The following TRIP11 variants were observed in gnomAD, a reference collection of about 807,000 sequenced individuals.
TRIP11 encodes thyroid hormone receptor interactor 11.
A neutral mutation model predicts 223.1 loss-of-function variants in TRIP11; 148 were observed. The ratio of observed to expected loss-of-function variants is 0.66; its 90% CI spans 0.58 to 0.76. The LOEUF (loss-of-function observed/expected upper bound fraction) is 0.76, where lower values mean the gene tolerates loss of function less well. TRIP11 is among the 30% of genes least tolerant of loss of function. The pLI is 0.00. For synonymous variants in TRIP11, 762 were observed against 772.6 expected (o/e 0.99, Z 0.23); for missense variants, 2,043 against 2,222.0 (o/e 0.92, Z 1.62).
intron 15 of TRIP11, among the ~76,000 whole-genome samples, chr14:91,992,908 C>CAA (rs550702989): frequency 0.046 from 1,351 of 29,242 alleles, 293 homozygotes; most frequent in Non-Finnish European, 0.055. Context: ...GACTCCGTCT[C>CAA]AAAAAAAAAA....
At position 92,014,331 on chromosome 14, in the gene TRIP11, C is replaced by T; in HGVS notation, c.1070G>A (p.Cys357Tyr). ...CACAGCAGAAGGCTGCAATTTACTACATTCCAATTTCAAGTTTTCACATTC... is the reference window on the plus strand; with the variant it reads ...CACAGCAGAAGGCTGCAATTTACTATATTCCAATTTCAAGTTTTCACATTC... ...MEECENLKLE[C>Y]SKLQPSAVKQ... The change falls in exon 7 of 21, where the codon TGT becomes TAT. Residue 357 changes from cysteine to tyrosine, a missense_variant. Cys to Tyr is a radical substitution (Grantham distance 194). Coordinates refer to ENST00000267622, the MANE Select transcript of TRIP11 (RefSeq NM_004239.4). The T allele has an allele frequency of 1.2e-6, 2 of 1,614,076 alleles. No homozygotes were observed. The highest frequency in any genetic ancestry group is 4.5e-5 in the East Asian group (2 of 44,856).
chr14:91,993,705 A>G (rs1174967311), intron 15 of TRIP11, 104 bp downstream of exon 15: 2 of 961,718 alleles, frequency 2.1e-6, no homozygotes, highest in Non-Finnish European at 3.2e-6. Flanking sequence ...AGGGTAGAAA[A>G]TTTACTAAAT....
At position 92,011,858 on chromosome 14, in the gene TRIP11, T is replaced by C. The variant is rs569862322; in HGVS notation, c.1187-63A>G. 6.9e-5 allele frequency: 103 copies of C among 1,502,172 alleles called. No homozygotes were observed. The Middle Eastern group carries it at 1.1e-3, about 15-fold the overall frequency. 93.1% of individuals were successfully genotyped at this position (1,502,172 alleles called of 1,614,324 possible). A position where few individuals can be genotyped will look rare whatever the true frequency, so the allele number is the denominator to read the frequency against. ...TTAGAGTAACTTATTATCTTCAATATTAAACTCAGAAATGCAACCCAATTA... is the reference window on the plus strand; with the variant it reads ...TTAGAGTAACTTATTATCTTCAATACTAAACTCAGAAATGCAACCCAATTA... On this transcript the variant is annotated intron_variant, in intron 7 of 20. Transcript: ENST00000267622.
chr14:92,003,571 C>G lies in TRIP11; in HGVS notation c.4405G>C (p.Val1469Leu). Residue 1469 changes from valine (V) to leucine (L), a missense_variant, in exon 11 of 21, where the codon GTG becomes CTG. Val to Leu is a conservative substitution (Grantham distance 32). Transcript: ENST00000267622. ...GTTTCCTTTCCCCTGTATGTTTCCACTATTTTTTCATTTTCTCCTTTTAGT... is the reference window on the plus strand; with the variant it reads ...GTTTCCTTTCCCCTGTATGTTTCCAGTATTTTTTCATTTTCTCCTTTTAGT... ...GKLKGENEKI[V>L]ETYRGKETEY... is the part of the protein sequence containing the mutation. 6.2e-7 allele frequency: 1 copy of G among 1,614,130 alleles called. No individual in the cohort carries two copies. Among genetic ancestry groups the G allele is most frequent in the East Asian group, 2.2e-5 (1 of 44,874 alleles).
intron 1 of TRIP11, among the ~76,000 whole-genome samples, chr14:92,039,097 A>G (rs888887490): frequency 6.6e-6 from 1 of 152,242 alleles, no homozygotes; most frequent in African/African-American, 2.4e-5. Flanking sequence ...TACTCAAGAC[A>G]GAAAAGAGCA....
At chr14:92,001,512 G>A (rs961546798) in intron 11 of TRIP11, among the ~76,000 whole-genome samples, 1 of 151,298 alleles carries the variant, frequency 6.6e-6, no homozygotes, top group Non-Finnish European at 1.5e-5. Flanking sequence ...TAATCTAAAG[G>A]TACTTTTATA....
chr14:91,999,460 T>C (rs1257848241), intron 12 of TRIP11, 27 bp from the exon 13 acceptor site: 2 of 1,610,364 alleles, frequency 1.2e-6, no homozygotes, highest in East Asian at 2.2e-5. Flanking sequence ...ATTTTTCTTT[T>C]ACAAAATGCT....
In TRIP11 at chr14:92,004,431, G is replaced by A. The variant is rs1268771362; in HGVS notation, c.3545C>T (p.Thr1182Ile). 1 of 1,613,914 alleles carries A rather than the reference G, an allele frequency of 6.2e-7. No homozygotes were observed. Among genetic ancestry groups the A allele is most frequent in the South Asian group, 1.1e-5 (1 of 91,084 alleles). Residue 1182 changes from threonine to isoleucine, a missense_variant, in exon 11 of 21, where the codon ACT (threonine) becomes ATT (isoleucine). By Grantham distance (89) the Thr-to-Ile change is moderately conservative. Coordinates refer to ENST00000267622, the MANE Select transcript of TRIP11 (RefSeq NM_004239.4). Reference protein sequence around the residue: ...EIDALSQKCQTLLAVLQTSST... With the variant: ...EIDALSQKCQILLAVLQTSST... The stretch of plus-strand genomic sequence containing the variant: ...GGATGTTTGTAAAACTGCCAATAAA[G>A]TCTGACATTTCTGACTTAGTGCATC...
At position 91,993,829 on chromosome 14, in the gene TRIP11, C is replaced by T. The variant is rs778090971; in HGVS notation, c.5140G>A (p.Gly1714Arg). Reference protein sequence around the residue: ...EWKKNAENLEGKVISLQECLD... With the variant: ...EWKKNAENLERKVISLQECLD... ...CCTACCTGTAATGATATCACTTTTC[C>T]TTCCAGATTTTCTGCGTTTTTCTTC... The change falls in exon 15 of 21, where the codon GGA (glycine) becomes AGA (arginine). Residue 1714 changes from glycine (G) to arginine (R), a missense_variant. Transcript: ENST00000267622. The T allele has an allele frequency of 5.6e-6, 9 of 1,613,568 alleles. No individual in the cohort carries two copies. Among genetic ancestry groups the T allele is most frequent in the Non-Finnish European group, 7.6e-6 (9 of 1,179,742 alleles).
At chr14:91,980,216 C>T (rs2056520254) in intron 16 of TRIP11, among the ~76,000 whole-genome samples, 1 of 152,204 alleles carries the variant, frequency 6.6e-6, no homozygotes, top group East Asian at 1.9e-4. Flanking sequence ...CATAATTTTA[C>T]ATTTCATTTG....
Position 92,033,995 on chromosome 14 carries a change from G to A in TRIP11, c.140-742C>T, listed in dbSNP as rs2057296518. 2.6e-5 allele frequency among the ~76,000 whole-genome samples: 4 copies of A among 152,284 alleles called. No individual in the cohort carries two copies. In the South Asian group the frequency reaches 8.3e-4, roughly 32 times the overall value. ...GCCCACTGTATGAGAGTGAAGTTTG[G>A]CAGTTACCCAAGAGACTTTACCCCC... On this transcript the variant is annotated intron_variant, in intron 1 of 20. Coordinates refer to ENST00000267622, the MANE Select transcript of TRIP11 (RefSeq NM_004239.4).
intron 16 of TRIP11, among the ~76,000 whole-genome samples, chr14:91,986,615 A>T (rs888076506): frequency 6.6e-6 from 1 of 152,222 alleles, no homozygotes; most frequent in African/African-American, 2.4e-5. Flanking sequence ...CTAAAAGAGG[A>T]TGTGGCCTTA....
chr14:92,001,366 T>C (rs966972045), intron 11 of TRIP11, among the ~76,000 whole-genome samples: 19 of 144,428 alleles, frequency 1.3e-4, no homozygotes, highest in African/African-American at 4.9e-4. Context: ...ATTTTCCAAA[T>C]AGTTTTTCAG....
rs144535387 is a variant in TRIP11 at position 91,989,577 on chromosome 14, C to G, written c.5161-1194G>C. Among the ~76,000 whole-genome samples the G allele has an allele frequency of 1.6e-4, 24 of 150,768 alleles. 1 individual carries two copies. The highest frequency in any genetic ancestry group is 3.9e-4 in the African/African-American group (16 of 40,982). On this transcript the variant is annotated intron_variant, in intron 15 of 20. Coordinates refer to ENST00000267622, the MANE Select transcript of TRIP11 (RefSeq NM_004239.4). ...ATTTCTCATAATTTTCTTGGCTATT[C>G]TCAAGTATTCTCCCATGTAAATTTA...
At chr14:92,025,529 A>C in intron 2 of TRIP11, 109 bp from the exon 3 acceptor site, 1 of 745,600 alleles carries the variant, frequency 1.3e-6, no homozygotes, top group Non-Finnish European at 2.2e-6. Flanking sequence ...AAAATGTCAA[A>C]TATAAAAGGT....
Position 92,025,367 on chromosome 14 carries a change from T to C in TRIP11, c.255A>G (p.Ser85=). Residue 85 remains serine, a synonymous_variant, in exon 3 of 21, where the codon TCA becomes TCG. Coordinates refer to ENST00000267622, the MANE Select transcript of TRIP11 (RefSeq NM_004239.4). ...CTDLEEKHEA[S]EIQIKQQSTS... is the part of the protein sequence containing the mutation. ...TAGATTGCTGCTTTATTTGAATCTC[T>C]GATGCTTCATGTTTCTCTTCTAGAT... The C allele has an allele frequency of 6.2e-7, 1 of 1,613,608 alleles. No individual in the cohort carries two copies. The highest frequency in any genetic ancestry group is 8.5e-7 in the Non-Finnish European group (1 of 1,179,950).
chr14:92,020,029 C>A (rs2057090448), intron 4 of TRIP11, among the ~76,000 whole-genome samples: 1 of 152,066 alleles, frequency 6.6e-6, no homozygotes, highest in South Asian at 2.1e-4. Context: ...CTTTGGGCGG[C>A]CTGAGGTCAA....
At chr14:92,010,497 TAC>T (rs756023689) in intron 9 of TRIP11, among the ~76,000 whole-genome samples, 7 of 151,854 alleles carry the variant, frequency 4.6e-5, no homozygotes, top group Non-Finnish European at 1.0e-4. Context: ...GCCACTGCAC[TAC>T]AGCCTGGGCA....
At chr14:91,987,218 C>G (rs941105954) in intron 16 of TRIP11, among the ~76,000 whole-genome samples, 1 of 152,178 alleles carries the variant, frequency 6.6e-6, no homozygotes, top group Non-Finnish European at 1.5e-5. Flanking sequence ...TCAAGACTTA[C>G]AAGGTAGAAG....
Sources: gnomAD v4.1 joint callset for allele counts (sites outside exome capture counted in the v4.1 genomes callset) on GRCh38, gnomAD v4.1.1 for gene constraint, MANE v1.5 for transcripts, NCBI Gene and HGNC (gene_info 2026-07-23, HGNC 2026-07-21) for gene names.